ITK: variants seen among roughly 807,000 people sequenced by gnomAD.
ITK encodes the protein IL2 inducible T cell kinase.
Under a neutral mutation model 87.6 loss-of-function variants are expected in ITK, and 45 were observed. That is an observed-to-expected ratio of 0.51 (90% confidence interval 0.40 to 0.66). The LOEUF is 0.66. Ranked by LOEUF, ITK falls within the 30% of genes least tolerant of loss-of-function variation. The pLI is 0.00. For missense variants in ITK, 605 were observed against 766.3 expected (o/e 0.79, Z 2.48); for synonymous variants, 303 against 273.6 (o/e 1.11, Z -1.06).
At chr5:157,218,305 G>C (rs1323065310) in intron 5 of ITK, among the ~76,000 whole-genome samples, 1 of 151,944 alleles carries the variant, frequency 6.6e-6, no homozygotes, top group Non-Finnish European at 1.5e-5. Flanking sequence ...AGGAGTTCGA[G>C]ACCAGCCTGG....
intron 13 of ITK, 69 bp from the exon 14 acceptor site, chr5:157,245,657 G>A: frequency 2.5e-6 from 3 of 1,202,688 alleles, no homozygotes. Context: ...GATTATAGGA[G>A]ACTCCTTAAC....
At chr5:157,188,499 G>A (rs1753689371) in intron 1 of ITK, among the ~76,000 whole-genome samples, 1 of 152,124 alleles carries the variant, frequency 6.6e-6, no homozygotes, top group East Asian at 1.9e-4. Context: ...TTTGTACAGG[G>A]CCAGGACTAG....
chr5:157,250,763 C>T (rs372999746), intron 16 of ITK, among the ~76,000 whole-genome samples: 4 of 151,998 alleles, frequency 2.6e-5, no homozygotes, highest in East Asian at 1.9e-4. Context: ...TCAGGCCTCC[C>T]GTAGTGCTGG....
At chr5:157,228,135 G>T (rs34449697) in intron 6 of ITK, among the ~76,000 whole-genome samples, 161 bp from the exon 7 acceptor site, 1 of 151,912 alleles carries the variant, frequency 6.6e-6, no homozygotes, top group Non-Finnish European at 1.5e-5. Flanking sequence ...CACCGCCCCC[G>T]GCCTACCAAT....
chr5:157,237,132 T>A (rs1239999216), intron 8 of ITK, among the ~76,000 whole-genome samples: 2 of 152,232 alleles, frequency 1.3e-5, no homozygotes, highest in East Asian at 3.8e-4. Context: ...AGCAAAGACA[T>A]GGAATCAACC....
intron 15 of ITK, among the ~76,000 whole-genome samples, chr5:157,248,129 CT>C (rs924382078): frequency 1.3e-5 from 2 of 152,276 alleles, no homozygotes; most frequent in African/African-American, 4.8e-5. Flanking sequence ...GGGGATCATG[CT>C]TTGGGAATGT....
At chr5:157,194,485 G>A (rs554770208) in intron 1 of ITK, among the ~76,000 whole-genome samples, 18 of 152,186 alleles carry the variant, frequency 1.2e-4, no homozygotes, top group Non-Finnish European at 2.2e-4. Flanking sequence ...TATCCAAAGT[G>A]GTAATACAAG....
intron 12 of ITK, 126 bp from the exon 13 acceptor site, chr5:157,244,136 G>T (rs1754971326): frequency 1.2e-6 from 1 of 847,296 alleles, no homozygotes; most frequent in East Asian, 2.6e-5. Context: ...GGGAGGGAAT[G>T]AATATTATTT....
intron 8 of ITK, among the ~76,000 whole-genome samples, chr5:157,237,027 T>G (rs774296576): frequency 2.3e-4 from 35 of 152,188 alleles, no homozygotes; most frequent in Non-Finnish European, 1.0e-4. Context: ...AAACTAAAAA[T>G]AAAATTATTA....
At chr5:157,239,148 C>T (rs753973132) in intron 9 of ITK, among the ~76,000 whole-genome samples, 2 of 151,994 alleles carry the variant, frequency 1.3e-5, no homozygotes, top group Admixed American at 6.6e-5. Flanking sequence ...AAGTCTGTGT[C>T]GAGGCTCCCC....
intron 15 of ITK, among the ~76,000 whole-genome samples, chr5:157,247,488 A>G (rs958823371): frequency 3.3e-5 from 5 of 152,240 alleles, no homozygotes; most frequent in Non-Finnish European, 7.3e-5. Flanking sequence ...ATTTGGAGCA[A>G]TGGCCACTTT....
intron 12 of ITK, 156 bp from the exon 13 acceptor site, chr5:157,244,106 A>G (rs1331911231): frequency 1.3e-6 from 1 of 748,828 alleles, no homozygotes; most frequent in Non-Finnish European, 2.3e-6. Flanking sequence ...TCTCAGCTCC[A>G]ATGACATGTT....
At chr5:157,190,607 A>G (rs995673124) in intron 1 of ITK, among the ~76,000 whole-genome samples, 2 of 152,240 alleles carry the variant, frequency 1.3e-5, no homozygotes, top group African/African-American at 4.8e-5. Context: ...TAGGGCAGAT[A>G]GAGAATGTGG....
At chr5:157,244,831 C>T in intron 13 of ITK, 2 of 335,276 alleles carry the variant, frequency 6.0e-6, no homozygotes, top group Non-Finnish European at 1.2e-5. Flanking sequence ...ACCAGAATCA[C>T]ACTGGGGAAG....
At position 157,253,462 on chromosome 5, in the gene ITK, A is replaced by G. The variant is rs569866142; in HGVS notation, c.*784A>G. On this transcript the variant is annotated 3_prime_UTR_variant, in exon 17 of 17. Transcript: ENST00000422843. ...GTGGAGAACCATGTGGTGCAAGAAG[A>G]GATCTTAGGTCTCTTCTTTTATACC... 173 of 225,538 alleles carry G rather than the reference A, an allele frequency of 7.7e-4. No individual in the cohort carries two copies. The highest frequency in any genetic ancestry group is 3.6e-3 in the African/African-American group (161 of 44,966). The allele number at this position is 225,538 out of a possible 1,614,324, so 14.0% of individuals were successfully genotyped here. A position where few individuals can be genotyped will look rare whatever the true frequency, so the allele number is the denominator to read the frequency against.
intron 8 of ITK, among the ~76,000 whole-genome samples, chr5:157,233,928 G>GATATATATATATATAT (rs1554102416): frequency 2.2e-5 from 1 of 45,542 alleles, no homozygotes; most frequent in Middle Eastern, 0.025. Flanking sequence ...CCTCCTTACT[G>GATATATATATATATAT]ATACATATAT....
chr5:157,217,857 C>G lies in ITK; in HGVS notation c.455-10C>G. ...GCTCATTTTTTCTTTTCCTGTTTTT[C>G]TCTTTTCAGCTTCAAAGAAGCCTCT... On this transcript the variant is annotated splice_polypyrimidine_tract_variant and intron_variant, in intron 4 of 16. Coordinates refer to ENST00000422843, the MANE Select transcript of ITK (RefSeq NM_005546.4). The G allele has an allele frequency of 1.2e-6, 2 of 1,613,438 alleles. No individual in the cohort carries two copies. Among genetic ancestry groups the G allele is most frequent in the Non-Finnish European group, 1.7e-6 (2 of 1,179,484 alleles).
chr5:157,213,263 T>A (rs1228923805), intron 3 of ITK, among the ~76,000 whole-genome samples: 1 of 152,116 alleles, frequency 6.6e-6, no homozygotes, highest in African/African-American at 2.4e-5. Context: ...TCACGTATTA[T>A]CACAAGAACA....
chr5:157,227,541 G>T (rs1754556771), intron 6 of ITK, among the ~76,000 whole-genome samples: 1 of 151,874 alleles, frequency 6.6e-6, no homozygotes, highest in Non-Finnish European at 1.5e-5. Flanking sequence ...ATCTGTGGTT[G>T]GAAAGTCATC....
Sources: gnomAD v4.1 joint callset for allele counts (sites outside exome capture counted in the v4.1 genomes callset) on GRCh38, gnomAD v4.1.1 for gene constraint, MANE v1.5 for transcripts, NCBI Gene and HGNC (gene_info 2026-07-23, HGNC 2026-07-21) for gene names.